The following OR6C74 variants were observed in gnomAD, a reference collection of about 807,000 sequenced individuals.
The protein encoded by OR6C74 is olfactory receptor family 6 subfamily C member 74.
For synonymous variants in OR6C74, 142 were observed against 134.2 expected (o/e 1.06, Z -0.40); for missense variants, 361 against 362.9 (o/e 0.99, Z 0.04).
At chr12:55,245,147 G>GT (rs2136312754) in intron 1 of OR6C74, among the ~76,000 whole-genome samples, 2 of 152,044 alleles carry the variant, frequency 1.3e-5, no homozygotes, top group East Asian at 3.9e-4. Flanking sequence ...TTTTGTTTTT[G>GT]TTTTTTACAA....
Position 55,250,605 on chromosome 12 carries a change from G to T in OR6C74, c.*2379G>T, listed in dbSNP as rs1002238159. On this transcript the variant is annotated 3_prime_UTR_variant, in exon 2 of 2. Coordinates refer to ENST00000343399, the MANE Select transcript of OR6C74 (RefSeq NM_001005490.2). ...TATTGTGTAAATACCAGAGATCAGG[G>T]TCCATTATAGGCACTTAAAATTTTT... is the stretch of plus-strand genomic sequence containing the variant. 7.2e-5 allele frequency among the ~76,000 whole-genome samples: 11 copies of T among 151,978 alleles called. No homozygotes were observed. Among genetic ancestry groups the T allele is most frequent in the Admixed American group, 2.0e-4 (3 of 15,248 alleles).
chr12:55,247,590 C>G lies in OR6C74; in HGVS notation c.303C>G (p.Phe101Leu), dbSNP rs762766518. The G allele has an allele frequency of 1.2e-6, 2 of 1,613,666 alleles. No homozygotes were observed. The highest frequency in any genetic ancestry group is 1.1e-5 in the South Asian group (1 of 90,966). Residue 101 changes from phenylalanine (F) to leucine (L), a missense_variant, in exon 2 of 2, where the codon TTC becomes TTG. Coordinates refer to ENST00000343399, the MANE Select transcript of OR6C74 (RefSeq NM_001005490.2). ...SYNDCAAQLF[F>L]TILLGATEFF... ...ACGATTGTGCAGCACAGCTGTTTTT[C>G]ACTATTCTCTTGGGGGCAACTGAAT...
At position 55,254,895 on chromosome 12, in the gene OR6C74, C is replaced by G. The variant is rs909035675; in HGVS notation, c.*6669C>G. 7.2e-5 allele frequency among the ~76,000 whole-genome samples: 11 copies of G among 152,102 alleles called. No homozygotes were observed. The highest frequency in any genetic ancestry group is 6.6e-5 in the Admixed American group (1 of 15,258). On this transcript the variant is annotated 3_prime_UTR_variant, in exon 2 of 2. Coordinates refer to ENST00000343399, the MANE Select transcript of OR6C74 (RefSeq NM_001005490.2). ...TATTAACTAATTATAAATTACCCTT[C>G]TTAAGGATCTATTTCATGCAACCAC...
chr12:55,256,070 T>C lies in OR6C74; in HGVS notation c.*7844T>C, dbSNP rs1385367234. On this transcript the variant is annotated 3_prime_UTR_variant, in exon 2 of 2. Transcript: ENST00000343399. The stretch of plus-strand genomic sequence containing the variant: ...GTAAATACAAAATTGCATGCAGGAT[T>C]GTGTAAAGACAATGCCAGGTTGGAC... 6.6e-6 allele frequency among the ~76,000 whole-genome samples: 1 copy of C among 152,072 alleles called. No homozygotes were observed. The highest frequency in any genetic ancestry group is 1.5e-5 in the Non-Finnish European group (1 of 67,994).
At chr12:55,245,700 T>C (rs1011944794) in intron 1 of OR6C74, among the ~76,000 whole-genome samples, 1 of 152,182 alleles carries the variant, frequency 6.6e-6, no homozygotes, top group African/African-American at 2.4e-5. Flanking sequence ...TTTTATAATT[T>C]AAATTTAGGC....
chr12:55,254,176 C>A lies in OR6C74; in HGVS notation c.*5950C>A, dbSNP rs1488760163. Among the ~76,000 whole-genome samples, 1 of 152,068 alleles carries A rather than the reference C, an allele frequency of 6.6e-6. No homozygotes were observed. The highest frequency in any genetic ancestry group is 1.5e-5 in the Non-Finnish European group (1 of 67,980). ...TCATTTTAACAAAAGCATCTTCCAT[C>A]TTCATTTCAAACCAGTGGTTACAAT... is the stretch of plus-strand genomic sequence containing the variant. On this transcript the variant is annotated 3_prime_UTR_variant, in exon 2 of 2. Coordinates refer to ENST00000343399, the MANE Select transcript of OR6C74 (RefSeq NM_001005490.2).
rs192182537 is a variant in OR6C74 at position 55,255,066 on chromosome 12, C to T, written c.*6840C>T. ...CCTTGAAAGATCGAAATAATACCTCCCTCCAGGGCAGAAGGGAGATTTGCT... is the reference window on the plus strand; with the variant it reads ...CCTTGAAAGATCGAAATAATACCTCTCTCCAGGGCAGAAGGGAGATTTGCT... On this transcript the variant is annotated 3_prime_UTR_variant, in exon 2 of 2. Coordinates refer to ENST00000343399, the MANE Select transcript of OR6C74 (RefSeq NM_001005490.2). Among the ~76,000 whole-genome samples the T allele has an allele frequency of 2.0e-5, 3 of 152,082 alleles. No homozygotes were observed. Among genetic ancestry groups the T allele is most frequent in the African/African-American group, 4.8e-5 (2 of 41,496 alleles).
In OR6C74 at chr12:55,249,432, A is replaced by G. The variant is rs1954297741; in HGVS notation, c.*1206A>G. Among the ~76,000 whole-genome samples the G allele has an allele frequency of 6.6e-6, 1 of 152,096 alleles. No individual in the cohort carries two copies. Among genetic ancestry groups the G allele is most frequent in the African/African-American group, 2.4e-5 (1 of 41,442 alleles). On this transcript the variant is annotated 3_prime_UTR_variant, in exon 2 of 2. Coordinates refer to ENST00000343399, the MANE Select transcript of OR6C74 (RefSeq NM_001005490.2). ...CTGGAAGGATTTATTTTTCTGACTT[A>G]TAAAATTATTATATACATTTTATCT...
In OR6C74 at chr12:55,250,815, A is replaced by C. The variant is rs117765705; in HGVS notation, c.*2589A>C. Among the ~76,000 whole-genome samples the C allele has an allele frequency of 4.7e-3, 715 of 152,226 alleles. 3 individuals are homozygous for C. The highest frequency in any genetic ancestry group is 8.4e-3 in the Non-Finnish European group (572 of 67,972). ...AAGTAATTAAAATTTCACCATTAAAATTTAATTTCACCACTAAAAGTAATG... is the reference window on the plus strand; with the variant it reads ...AAGTAATTAAAATTTCACCATTAAACTTTAATTTCACCACTAAAAGTAATG... On this transcript the variant is annotated 3_prime_UTR_variant, in exon 2 of 2. Transcript: ENST00000343399.
At position 55,255,716 on chromosome 12, in the gene OR6C74, C is replaced by T. The variant is rs930165380; in HGVS notation, c.*7490C>T. On this transcript the variant is annotated 3_prime_UTR_variant, in exon 2 of 2. Coordinates refer to ENST00000343399, the MANE Select transcript of OR6C74 (RefSeq NM_001005490.2). ...AACACAAGAACAGAAAACCAAACAC[C>T]GCATGTTCTCACTCATAAGTGGGAG... 5.9e-5 allele frequency among the ~76,000 whole-genome samples: 9 copies of T among 152,164 alleles called. No homozygotes were observed. Among genetic ancestry groups the T allele is most frequent in the South Asian group, 2.1e-4 (1 of 4,826 alleles).
In OR6C74 at chr12:55,248,867, T is replaced by A. The variant is rs555500943; in HGVS notation, c.*641T>A. Among the ~76,000 whole-genome samples, 1 of 152,350 alleles carries A rather than the reference T, an allele frequency of 6.6e-6. No homozygotes were observed. The highest frequency in any genetic ancestry group is 1.5e-5 in the Non-Finnish European group (1 of 68,018). ...GCTAGCATTTATTGATTGCTTACAA[T>A]GTGCCAGATGTTATTAAATTTATTA... is the stretch of plus-strand genomic sequence containing the variant. On this transcript the variant is annotated 3_prime_UTR_variant, in exon 2 of 2. Coordinates refer to ENST00000343399, the MANE Select transcript of OR6C74 (RefSeq NM_001005490.2).
At chr12:55,245,246 C>G (rs923763113) in intron 1 of OR6C74, among the ~76,000 whole-genome samples, 3 of 152,082 alleles carry the variant, frequency 2.0e-5, no homozygotes, top group South Asian at 2.1e-4. Flanking sequence ...CTTGCAGATG[C>G]CTAGTTTTGA....
chr12:55,248,143 T>A lies in OR6C74; in HGVS notation c.856T>A (p.Phe286Ile). 1.9e-6 allele frequency: 3 copies of A among 1,613,816 alleles called. No homozygotes were observed. In the African/African-American group the frequency reaches 4.0e-5, roughly 22 times the overall value. Residue 286 changes from phenylalanine to isoleucine, a missense_variant, in exon 2 of 2, where the codon TTT becomes ATT. Phe to Ile is a conservative substitution (Grantham distance 21). Transcript: ENST00000343399. ...TTCTGTTGCCCCCATGTTGAATCCCTTTATTTATACACTGAGAAACAAACA... is the reference window on the plus strand; with the variant it reads ...TTCTGTTGCCCCCATGTTGAATCCCATTATTTATACACTGAGAAACAAACA... ...STSVAPMLNP[F>I]IYTLRNKQVK...
In OR6C74 at chr12:55,247,543, G is replaced by C. The variant is rs772386317; in HGVS notation, c.256G>C (p.Gly86Arg). ...IPKFLVSMAT[G>R]DKTISYNDCA... ...CAAATTTCTTGTTAGTATGGCAACA[G>C]GTGATAAGACCATTTCTTACAACGA... Residue 86 changes from glycine (G) to arginine (R), a missense_variant, in exon 2 of 2, where the codon GGT (glycine) becomes CGT (arginine). By Grantham distance (125) the Gly-to-Arg change is moderately radical. Coordinates refer to ENST00000343399, the MANE Select transcript of OR6C74 (RefSeq NM_001005490.2). 6.2e-7 allele frequency: 1 copy of C among 1,613,394 alleles called. No individual in the cohort carries two copies. Among genetic ancestry groups the C allele is most frequent in the African/African-American group, 1.3e-5 (1 of 74,950 alleles).
rs1026960676 is a variant in OR6C74, at chr12:55,255,535, A to G, written c.*7309A>G. Among the ~76,000 whole-genome samples the G allele has an allele frequency of 6.6e-6, 1 of 152,050 alleles. No homozygotes were observed. The highest frequency in any genetic ancestry group is 1.5e-5 in the Non-Finnish European group (1 of 68,022). ...ACTATTAGCAATAGCAAAGACTTGG[A>G]ACCAACCCAAATGCCCATCAATGAT... On this transcript the variant is annotated 3_prime_UTR_variant, in exon 2 of 2. Coordinates refer to ENST00000343399, the MANE Select transcript of OR6C74 (RefSeq NM_001005490.2).
At chr12:55,246,674 A>G (rs1333485688) in intron 1 of OR6C74, among the ~76,000 whole-genome samples, 1 of 152,206 alleles carries the variant, frequency 6.6e-6, no homozygotes, top group African/African-American at 2.4e-5. Flanking sequence ...ATGTAAATTC[A>G]AGTTTTCAGG....
chr12:55,247,506 T>C lies in OR6C74; in HGVS notation c.219T>C (p.Thr73=), dbSNP rs563760384. Reference sequence around the variant, plus strand: ...CATTTTTAGAAGTCTCATTCACAACTGTCTACATTCCCAAATTTCTTGTTA... The same window carrying C: ...CATTTTTAGAAGTCTCATTCACAACCGTCTACATTCCCAAATTTCTTGTTA... ...NFSFLEVSFT[T]VYIPKFLVSM... is the part of the protein sequence containing the mutation. The change falls in exon 2 of 2, where the codon ACT becomes ACC. Residue 73 remains threonine, a synonymous_variant. Coordinates refer to ENST00000343399, the MANE Select transcript of OR6C74 (RefSeq NM_001005490.2). 6.2e-7 allele frequency: 1 copy of C among 1,613,678 alleles called. No homozygotes were observed. Among genetic ancestry groups the C allele is most frequent in the South Asian group, 1.1e-5 (1 of 91,000 alleles).
At position 55,250,428 on chromosome 12, in the gene OR6C74, G is replaced by T. The variant is rs1954304793; in HGVS notation, c.*2202G>T. 6.6e-6 allele frequency among the ~76,000 whole-genome samples: 1 copy of T among 151,988 alleles called. No homozygotes were observed. Among genetic ancestry groups the T allele is most frequent in the Non-Finnish European group, 1.5e-5 (1 of 67,970 alleles). ...TATACTTAGTAGACTTAACTACTTA[G>T]AATAGATGGATTTTTTTCTATTTCT... On this transcript the variant is annotated 3_prime_UTR_variant, in exon 2 of 2. Transcript: ENST00000343399.
rs1303125036 is a variant in OR6C74, at chr12:55,249,153, A to G, written c.*927A>G. ...AACATTCTATAGATTTATGGATGTC[A>G]TAGATAAAATTAAGACCTTACAGCT... On this transcript the variant is annotated 3_prime_UTR_variant, in exon 2 of 2. Transcript: ENST00000343399. Among the ~76,000 whole-genome samples, 1 of 152,202 alleles carries G rather than the reference A, an allele frequency of 6.6e-6. No homozygotes were observed. Among genetic ancestry groups the G allele is most frequent in the Non-Finnish European group, 1.5e-5 (1 of 68,010 alleles).
Sources: gnomAD v4.1 joint callset for allele counts (sites outside exome capture counted in the v4.1 genomes callset) on GRCh38, gnomAD v4.1.1 for gene constraint, MANE v1.5 for transcripts, NCBI Gene and HGNC (gene_info 2026-07-23, HGNC 2026-07-21) for gene names.